ARHGAP5: variants seen among roughly 807,000 people sequenced by gnomAD.
ARHGAP5 encodes the protein rho GTPase-activating protein 5.
A neutral mutation model predicts 116.6 loss-of-function variants in ARHGAP5; 23 were observed. The ratio of observed to expected loss-of-function variants is 0.20; its 90% CI spans 0.14 to 0.28. ARHGAP5 has a LOEUF of 0.28. Ranked by LOEUF, ARHGAP5 falls within the 10% of genes least tolerant of loss-of-function variation. The pLI, the probability that ARHGAP5 is intolerant of heterozygous loss-of-function variation, is 1.00. For synonymous variants in ARHGAP5, 574 were observed against 602.0 expected, an observed-to-expected ratio of 0.95 and a Z score of 0.68; for missense variants, 1,405 against 1,774.8, an observed-to-expected ratio of 0.79 and a Z score of 3.74.
chr14:32,125,969 A>G (rs1021314325), intron 3 of ARHGAP5, among the ~76,000 whole-genome samples: 7 of 152,080 alleles, frequency 4.6e-5, no homozygotes, highest in African/African-American at 1.7e-4. Flanking sequence ...TTGTATCCTG[A>G]AATTTTGCCA....
At chr14:32,107,453 C>T (rs1879071174) in intron 2 of ARHGAP5, among the ~76,000 whole-genome samples, 1 of 152,156 alleles carries the variant, frequency 6.6e-6, no homozygotes, top group African/African-American at 2.4e-5. Context: ...GAAGGCTTTC[C>T]TCTGGTGCCT....
intron 3 of ARHGAP5, among the ~76,000 whole-genome samples, chr14:32,144,114 G>A (rs1881262236): frequency 6.6e-6 from 1 of 152,188 alleles, no homozygotes; most frequent in Non-Finnish European, 1.5e-5. Context: ...TACTACAGGA[G>A]TGCAAAGGAA....
chr14:32,147,150 C>T (rs923530263), intron 4 of ARHGAP5, among the ~76,000 whole-genome samples: 2 of 151,954 alleles, frequency 1.3e-5, no homozygotes, highest in African/African-American at 2.4e-5. Flanking sequence ...AAGATTTAAA[C>T]GTAAAAAATG....
Position 32,093,709 on chromosome 14 carries a change from T to A in ARHGAP5, c.3040T>A (p.Leu1014Met). 6.2e-7 allele frequency: 1 copy of A among 1,614,024 alleles called. No homozygotes were observed. Among genetic ancestry groups the A allele is most frequent in the Non-Finnish European group, 8.5e-7 (1 of 1,179,962 alleles). The change falls in exon 2 of 7, where the codon TTG becomes ATG. Residue 1014 changes from leucine (L) to methionine (M), a missense_variant. Coordinates refer to ENST00000345122, the MANE Select transcript of ARHGAP5 (RefSeq NM_001030055.2). The stretch of plus-strand genomic sequence containing the variant: ...TGACCGTTCCAGATATAGATTAGAT[T>A]TGGAAGGAAATGAGTATCCTATTCA... The part of the protein sequence containing the change: ...PSDRSRYRLD[L>M]EGNEYPIHST...
chr14:32,091,319 C>T lies in ARHGAP5; in HGVS notation c.650C>T (p.Ser217Leu). Reference protein sequence around the residue: ...HYLREVQAFASNKKNLLVVET... With the variant: ...HYLREVQAFALNKKNLLVVET... ...CTTAGAGAAGTTCAGGCATTTGCTT[C>T]AAATAAAAAGAACCTTCTTGTAGTG... The change falls in exon 2 of 7, where the codon TCA becomes TTA. Residue 217 changes from serine (S) to leucine (L), a missense_variant. Around this residue, in one of 6 missense-constraint regions of ARHGAP5, gnomAD observed 190 missense variants for 314.9 expected, o/e 0.60. Transcript: ENST00000345122. 2 of 1,613,446 alleles carry T rather than the reference C, an allele frequency of 1.2e-6. No homozygotes were observed. The highest frequency in any genetic ancestry group is 1.7e-5 in the Admixed American group (1 of 59,952).
chr14:32,147,683 G>C (rs1881442013), intron 4 of ARHGAP5, among the ~76,000 whole-genome samples: 1 of 151,970 alleles, frequency 6.6e-6, no homozygotes, highest in African/African-American at 2.4e-5. Flanking sequence ...GGTGTTGGGG[G>C]GTACCACTCA....
Position 32,155,572 on chromosome 14 carries a change from C to A in ARHGAP5, c.*624C>A, listed in dbSNP as rs979011058. 2 of 152,720 alleles carry A rather than the reference C, an allele frequency of 1.3e-5. No homozygotes were observed. Among genetic ancestry groups the A allele is most frequent in the African/African-American group, 4.8e-5 (2 of 41,460 alleles). 9.5% of individuals were successfully genotyped at this position (152,720 alleles called of 1,614,324 possible). ...TGATGAGGGATAAATGAACCTATTT[C>A]TTTTACACACATACCAAGGACATGC... On this transcript the variant is annotated 3_prime_UTR_variant, in exon 7 of 7. Coordinates refer to ENST00000345122, the MANE Select transcript of ARHGAP5 (RefSeq NM_001030055.2).
At chr14:32,131,553 T>TTTTG (rs147993588) in intron 3 of ARHGAP5, among the ~76,000 whole-genome samples, 2 of 152,164 alleles carry the variant, frequency 1.3e-5, no homozygotes, top group East Asian at 3.9e-4. Context: ...TTCATGTTCT[T>TTTTG]TTTGTTTGTT....
intron 2 of ARHGAP5, among the ~76,000 whole-genome samples, chr14:32,098,018 G>A (rs1480988803): frequency 1.3e-5 from 2 of 152,210 alleles, no homozygotes; most frequent in African/African-American, 4.8e-5. Flanking sequence ...GCATATCATA[G>A]AGAAGTCACT....
chr14:32,151,679 A>G lies in ARHGAP5; in HGVS notation c.4076-744A>G, dbSNP rs1042129673. On this transcript the variant is annotated intron_variant, in intron 5 of 6. Transcript: ENST00000345122. Reference sequence around the variant, plus strand: ...TGTTACTGCTTTTGTGCTACAACACAGGGTTGAGTAAGTGTGCCCACAAAG... The same window carrying G: ...TGTTACTGCTTTTGTGCTACAACACGGGGTTGAGTAAGTGTGCCCACAAAG... Among the ~76,000 whole-genome samples the G allele has an allele frequency of 2.0e-5, 3 of 152,380 alleles. No individual in the cohort carries two copies. In the South Asian group the frequency reaches 6.2e-4, roughly 32 times the overall value.
At chr14:32,087,073 T>C (rs1042043413) in intron 1 of ARHGAP5, among the ~76,000 whole-genome samples, 1 of 152,114 alleles carries the variant, frequency 6.6e-6, no homozygotes, top group African/African-American at 2.4e-5. Flanking sequence ...CAAAAATAGA[T>C]GTGCATGATT....
intron 3 of ARHGAP5, among the ~76,000 whole-genome samples, chr14:32,140,088 TTA>T (rs1881030510): frequency 2.9e-5 from 3 of 105,226 alleles, no homozygotes; most frequent in African/African-American, 1.1e-4. Flanking sequence ...TTTTTTTAGG[TTA>T]TTTGTTCTTT....
chr14:32,116,211 T>C (rs1189949474), intron 2 of ARHGAP5, among the ~76,000 whole-genome samples: 66 of 127,420 alleles, frequency 5.2e-4, no homozygotes, highest in East Asian at 2.2e-3. Flanking sequence ...GACGTGAACC[T>C]GGGAGGCGGA....
intron 6 of ARHGAP5, among the ~76,000 whole-genome samples, chr14:32,153,481 T>G (rs1881752744): frequency 6.9e-6 from 1 of 145,902 alleles, no homozygotes; most frequent in Admixed American, 6.8e-5. Flanking sequence ...CCAGGTTTTT[T>G]TTTTTTTTTT....
intron 1 of ARHGAP5, among the ~76,000 whole-genome samples, chr14:32,078,654 C>T (rs1433695307): frequency 6.6e-6 from 1 of 152,066 alleles, no homozygotes; most frequent in East Asian, 1.9e-4. Flanking sequence ...AAATCCAGAA[C>T]CAGTATTCAG....
intron 3 of ARHGAP5, among the ~76,000 whole-genome samples, chr14:32,134,574 C>A (rs12878328): frequency 6.6e-6 from 1 of 152,154 alleles, no homozygotes; most frequent in South Asian, 2.1e-4. Flanking sequence ...ACATTTACTT[C>A]AGCTGTTGTT....
intron 3 of ARHGAP5, among the ~76,000 whole-genome samples, chr14:32,122,216 G>A (rs537269447): frequency 1.3e-5 from 2 of 152,202 alleles, no homozygotes; most frequent in African/African-American, 2.4e-5. Context: ...CATATAAGTG[G>A]TAATGTGAAA....
At chr14:32,151,433 A>G (rs1278611200) in intron 5 of ARHGAP5, among the ~76,000 whole-genome samples, 1 of 152,264 alleles carries the variant, frequency 6.6e-6, no homozygotes, top group Non-Finnish European at 1.5e-5. Context: ...TGTAAAGGAA[A>G]ATCTTTGATA....
In ARHGAP5 at chr14:32,092,310, A is replaced by T; in HGVS notation, c.1641A>T (p.Gly547=). The change falls in exon 2 of 7, where the codon GGA becomes GGT. Residue 547 remains glycine (G), a synonymous_variant. Transcript: ENST00000345122. The surrounding 1 kb of genome is among the most constrained non-coding windows in gnomAD (Gnocchi z 4.1). ...AATCCCTTCTACTTAAGCATATAGGATTTGTTTATCATCCCACTAAAGAAA... is the reference window on the plus strand; with the variant it reads ...AATCCCTTCTACTTAAGCATATAGGTTTTGTTTATCATCCCACTAAAGAAA... ...DRESLLLKHI[G]FVYHPTKETC... 6.2e-7 allele frequency: 1 copy of T among 1,613,814 alleles called. No individual in the cohort carries two copies. The highest frequency in any genetic ancestry group is 8.5e-7 in the Non-Finnish European group (1 of 1,179,822).
Sources: gnomAD v4.1 joint callset for allele counts (sites outside exome capture counted in the v4.1 genomes callset) on GRCh38, gnomAD v4.1.1 for gene constraint, gnomAD v4.1.1 regional missense constraint, Gnocchi (gnomAD v3.1) non-coding constraint, MANE v1.5 for transcripts, NCBI Gene and HGNC (gene_info 2026-07-23, HGNC 2026-07-21) for gene names.